Variants in PDE8B observed in about 807,000 individuals in gnomAD.
The protein encoded by PDE8B is phosphodiesterase 8B, also known as high affinity cAMP-specific and IBMX-insensitive 3',5'-cyclic phosphodiesterase 8B.
PDE8B carries 26 observed loss-of-function variants against 101.3 expected under a neutral mutation model. The ratio of observed to expected loss-of-function variants is 0.26; its 90% CI spans 0.19 to 0.36. The LOEUF is 0.36. Ranked by LOEUF, PDE8B falls within the 10% of genes least tolerant of loss-of-function variation. The pLI, the probability that PDE8B is intolerant of heterozygous loss-of-function variation, is 1.00. For synonymous variants in PDE8B, 424 were observed against 429.3 expected, an observed-to-expected ratio of 0.99 and a Z score of 0.15; for missense variants, 810 against 1,163.1, an observed-to-expected ratio of 0.70 and a Z score of 4.42.
the PDE8B span, among the ~76,000 whole-genome samples, chr5:77,167,598 C>T: frequency 6.6e-5 from 10 of 152,266 alleles, no homozygotes; most frequent in South Asian, 2.1e-4. Flanking sequence ...AGGGGGCACG[C>T]GGCTGCTCCC....
chr5:77,098,104 G>A, the PDE8B span, among the ~76,000 whole-genome samples: 1 of 151,996 alleles, frequency 6.6e-6, no homozygotes, highest in Non-Finnish European at 1.5e-5. Flanking sequence ...GGAGCAAGGA[G>A]AGTAATGGAA....
At chr5:77,109,015 C>T in the PDE8B span, among the ~76,000 whole-genome samples, 1 of 152,186 alleles carries the variant, frequency 6.6e-6, no homozygotes, top group African/African-American at 2.4e-5. Context: ...TCCTACAAGT[C>T]AGATAGAGTG....
At chr5:77,358,757 G>T (rs550685188) in intron 10 of PDE8B, among the ~76,000 whole-genome samples, 1 of 152,118 alleles carries the variant, frequency 6.6e-6, no homozygotes, top group Non-Finnish European at 1.5e-5. Context: ...GGAGAAAAAG[G>T]CTACTGCAAC....
At chr5:77,333,800 A>G (rs974985380) in intron 5 of PDE8B, among the ~76,000 whole-genome samples, 1 of 152,200 alleles carries the variant, frequency 6.6e-6, no homozygotes, top group African/African-American at 2.4e-5. Context: ...CAACCTGTCC[A>G]TGGGGCTCTG....
At chr5:77,271,636 GC>G (rs752545180) in intron 1 of PDE8B, among the ~76,000 whole-genome samples, 30 of 152,240 alleles carry the variant, frequency 2.0e-4, no homozygotes, top group South Asian at 8.3e-4. Context: ...ACAGGTCATG[GC>G]CCAGGAGGAG....
the PDE8B span, chr5:77,143,859 A>ATTTTT: frequency 7.8e-5 from 9 of 115,200 alleles, no homozygotes; most frequent in African/African-American, 2.7e-4. Flanking sequence ...TTCTTGAGGG[A>ATTTTT]TTTTTTTTTT....
intron 3 of PDE8B, among the ~76,000 whole-genome samples, chr5:77,326,067 G>A (rs1470815156): frequency 6.6e-6 from 1 of 152,112 alleles, no homozygotes; most frequent in East Asian, 1.9e-4. Flanking sequence ...ATTTAAACTA[G>A]CTATTTTAAT....
At chr5:77,148,008 C>T in the PDE8B span, 3 of 152,152 alleles carry the variant, frequency 2.0e-5, no homozygotes. Flanking sequence ...AAATTGCAAG[C>T]CCAGATGCTG....
At chr5:77,423,633 T>G (rs13184182) in intron 20 of PDE8B, among the ~76,000 whole-genome samples, 1 of 17,616 alleles carries the variant, frequency 5.7e-5, no homozygotes, top group Non-Finnish European at 9.0e-5. Context: ...TTTTGTTTAG[T>G]TTTTTTTTTT....
At chr5:77,302,602 C>T (rs1770224167) in intron 1 of PDE8B, among the ~76,000 whole-genome samples, 1 of 152,214 alleles carries the variant, frequency 6.6e-6, no homozygotes, top group Non-Finnish European at 1.5e-5. Context: ...AGATCTTTCA[C>T]ATCTTATTTA....
At chr5:77,125,573 A>G in the PDE8B span, among the ~76,000 whole-genome samples, 3 of 152,250 alleles carry the variant, frequency 2.0e-5, no homozygotes, top group Admixed American at 1.3e-4. Context: ...CAAATGTCAA[A>G]ACAGACGAAT....
At chr5:77,212,314 C>T (rs1321291860) in intron 1 of PDE8B, among the ~76,000 whole-genome samples, 1 of 152,136 alleles carries the variant, frequency 6.6e-6, no homozygotes, top group Admixed American at 6.5e-5. Flanking sequence ...GATTATTTGT[C>T]AAAGACACAT....
At chr5:77,251,015 G>A (rs1216375192) in intron 1 of PDE8B, among the ~76,000 whole-genome samples, 1 of 152,158 alleles carries the variant, frequency 6.6e-6, no homozygotes, top group Non-Finnish European at 1.5e-5. Flanking sequence ...AGACAGTTTC[G>A]ATAGCTAGGG....
intron 7 of PDE8B, among the ~76,000 whole-genome samples, chr5:77,347,988 G>A (rs1393478752): frequency 1.3e-5 from 2 of 152,138 alleles, no homozygotes; most frequent in Non-Finnish European, 2.9e-5. Context: ...ATGGGGCCAG[G>A]AGGGGGTCTG....
At chr5:77,183,956 A>G in the PDE8B span, among the ~76,000 whole-genome samples, 1 of 149,188 alleles carries the variant, frequency 6.7e-6, no homozygotes, top group Admixed American at 6.7e-5. Flanking sequence ...CATGGTTACT[A>G]TTTAAATACA....
chr5:77,270,514 C>T (rs1345217803), intron 1 of PDE8B, among the ~76,000 whole-genome samples: 1 of 152,164 alleles, frequency 6.6e-6, no homozygotes, highest in African/African-American at 2.4e-5. Context: ...TCACTTCTGC[C>T]TCTGCTTTGT....
the PDE8B span, among the ~76,000 whole-genome samples, chr5:77,166,061 G>T: frequency 6.6e-6 from 1 of 151,394 alleles, no homozygotes; most frequent in African/African-American, 2.4e-5. Context: ...TATCATAGAA[G>T]GTTCTGGAAG....
chr5:77,183,015 T>A, the PDE8B span, among the ~76,000 whole-genome samples: 1 of 151,784 alleles, frequency 6.6e-6, no homozygotes, highest in Non-Finnish European at 1.5e-5. Context: ...ATGGTGAAAA[T>A]TTTTTAAGTA....
chr5:77,290,362 GA>G, intron 1 of PDE8B: 1 of 1,412,228 alleles, frequency 7.1e-7, no homozygotes, highest in Non-Finnish European at 1.0e-6. Context: ...GGAAGCTGGG[GA>G]GGCCGGGGAG....
Sources: gnomAD v4.1 joint callset for allele counts (sites outside exome capture counted in the v4.1 genomes callset) on GRCh38, gnomAD v4.1.1 for gene constraint, MANE v1.5 for transcripts, NCBI Gene and HGNC (gene_info 2026-07-23, HGNC 2026-07-21) for gene names.